Variants in STK39 observed in about 807,000 individuals in gnomAD.
STK39 encodes the protein STE20/SPS1-related proline-alanine-rich protein kinase.
STK39 carries 20 observed loss-of-function variants against 77.8 expected under a neutral mutation model. That is an observed-to-expected ratio of 0.26 (90% CI 0.18 to 0.37). STK39 has a LOEUF of 0.37. Among genes scored for constraint, STK39 ranks in the 10% least tolerant of loss-of-function variants. STK39 has a pLI of 1.00. For missense variants in STK39, 479 were observed against 656.5 expected, an observed-to-expected ratio of 0.73 and a Z score of 2.95; for synonymous variants, 246 against 234.1, an observed-to-expected ratio of 1.05 and a Z score of -0.47.
intron 1 of STK39, among the ~76,000 whole-genome samples, chr2:168,235,405 A>G (rs1181054628): frequency 1.3e-5 from 2 of 151,956 alleles, no homozygotes; most frequent in African/African-American, 4.8e-5. Context: ...ATATAAGTGG[A>G]AGAAAATACT....
chr2:167,979,961 G>A (rs6730946), intron 16 of STK39, among the ~76,000 whole-genome samples: 4,789 of 152,240 alleles, frequency 0.031, 247 homozygotes, highest in East Asian at 0.21. Flanking sequence ...CTACATGTCT[G>A]GATGCCAAGA....
chr2:168,149,669 A>G (rs1454718075), intron 5 of STK39, among the ~76,000 whole-genome samples: 2 of 152,182 alleles, frequency 1.3e-5, no homozygotes, highest in African/African-American at 4.8e-5. Flanking sequence ...AGTCACTGCA[A>G]TCCCCAAAAG....
At chr2:168,189,823 T>C (rs1318501834) in intron 1 of STK39, among the ~76,000 whole-genome samples, 4 of 152,218 alleles carry the variant, frequency 2.6e-5, no homozygotes, top group Non-Finnish European at 5.9e-5. Context: ...TAAAACTCTA[T>C]TGTAGGATTT....
rs139107651 is a variant in STK39, at chr2:167,990,815, T to C, written c.1498+21819A>G. 2.5e-3 allele frequency among the ~76,000 whole-genome samples: 384 copies of C among 152,348 alleles called. 4 individuals carry two copies. Among genetic ancestry groups the C allele is most frequent in the African/African-American group, 8.7e-3 (363 of 41,574 alleles). On this transcript the variant is annotated intron_variant, in intron 16 of 17. Transcript: ENST00000355999. The stretch of plus-strand genomic sequence containing the variant: ...CATTATTCCAGTGCTCTAGGATTCA[T>C]TGGTCAACAAATTCCTGCGTACATG...
chr2:167,972,759 T>C (rs1692384327), intron 16 of STK39, among the ~76,000 whole-genome samples: 1 of 152,164 alleles, frequency 6.6e-6, no homozygotes, highest in East Asian at 1.9e-4. Flanking sequence ...CTGGGACTCC[T>C]TGGGAAAAAC....
intron 2 of STK39, among the ~76,000 whole-genome samples, chr2:168,175,471 A>C (rs1688934921): frequency 6.6e-6 from 1 of 152,218 alleles, no homozygotes; most frequent in Admixed American, 6.5e-5. Flanking sequence ...ATTTCTAACA[A>C]ATGTAGAAAA....
intron 10 of STK39, among the ~76,000 whole-genome samples, chr2:168,112,373 G>A (rs1177335093): frequency 6.6e-6 from 1 of 152,138 alleles, no homozygotes; most frequent in South Asian, 2.1e-4. Flanking sequence ...GAGGGGGCTG[G>A]TTGGGGGTGA....
At chr2:168,076,573 C>T (rs1686083934) in intron 10 of STK39, among the ~76,000 whole-genome samples, 1 of 152,148 alleles carries the variant, frequency 6.6e-6, no homozygotes, top group Admixed American at 6.5e-5. Context: ...CATCTAGAAC[C>T]TGTAAAAGTA....
chr2:168,173,484 G>C (rs1201869113), intron 2 of STK39, among the ~76,000 whole-genome samples: 2 of 152,092 alleles, frequency 1.3e-5, no homozygotes, highest in Non-Finnish European at 2.9e-5. Flanking sequence ...GGTCTTAGAA[G>C]AGCAATGTAT....
At chr2:168,025,641 G>T (rs1684676256) in intron 14 of STK39, among the ~76,000 whole-genome samples, 1 of 152,256 alleles carries the variant, frequency 6.6e-6, no homozygotes, top group Non-Finnish European at 1.5e-5. Flanking sequence ...CTGCTATTCA[G>T]GGAATAGTCC....
At chr2:168,104,096 T>C (rs568916409) in intron 10 of STK39, among the ~76,000 whole-genome samples, 20 of 152,294 alleles carry the variant, frequency 1.3e-4, no homozygotes, top group Admixed American at 7.2e-4. Flanking sequence ...TAAGGTCACG[T>C]GTAAAACTGT....
chr2:168,186,421 G>C (rs1689209547), intron 1 of STK39, among the ~76,000 whole-genome samples: 1 of 152,224 alleles, frequency 6.6e-6, no homozygotes, highest in Non-Finnish European at 1.5e-5. Flanking sequence ...ACCTATGGCA[G>C]AGAATGCCAT....
intron 14 of STK39, among the ~76,000 whole-genome samples, chr2:168,061,632 T>C (rs1685667948): frequency 1.3e-5 from 2 of 152,078 alleles, no homozygotes; most frequent in African/African-American, 4.8e-5. Context: ...AGAGAAAATA[T>C]AACAAAGGCA....
Position 168,135,482 on chromosome 2 carries a change from C to G in STK39, c.974+2606G>C, listed in dbSNP as rs536773409. Among the ~76,000 whole-genome samples the G allele has an allele frequency of 4.7e-4, 71 of 152,208 alleles. 1 individual carries two copies. Among genetic ancestry groups the G allele is most frequent in the Non-Finnish European group, 1.8e-4 (12 of 68,006 alleles). On this transcript the variant is annotated intron_variant, in intron 8 of 17. Coordinates refer to ENST00000355999, the MANE Select transcript of STK39 (RefSeq NM_013233.3). ...GAATCCCACCCACAGGTATGTAACTCTAGGAGGATGTGGCATCTGAACCAA... is the reference window on the plus strand; with the variant it reads ...GAATCCCACCCACAGGTATGTAACTGTAGGAGGATGTGGCATCTGAACCAA...
chr2:168,031,353 T>C (rs1321835129), intron 14 of STK39, among the ~76,000 whole-genome samples: 2 of 152,236 alleles, frequency 1.3e-5, no homozygotes, highest in Non-Finnish European at 2.9e-5. Context: ...AAGCTCAGCC[T>C]TATCTGCTTC....
chr2:168,037,681 C>G (rs1056432846), intron 14 of STK39, among the ~76,000 whole-genome samples: 4 of 152,062 alleles, frequency 2.6e-5, no homozygotes, highest in African/African-American at 9.7e-5. Flanking sequence ...TAAGTGTAAA[C>G]AGCATGGCAC....
intron 10 of STK39, among the ~76,000 whole-genome samples, chr2:168,092,287 T>C (rs954353565): frequency 2.6e-5 from 4 of 152,304 alleles, no homozygotes; most frequent in Admixed American, 1.3e-4. Context: ...GAAGCTCCAC[T>C]GTAAAAATGC....
chr2:168,035,174 G>C (rs866183067), intron 14 of STK39, among the ~76,000 whole-genome samples: 4 of 152,178 alleles, frequency 2.6e-5, no homozygotes, highest in African/African-American at 4.8e-5. Flanking sequence ...TTCTGCCTTT[G>C]AGGGGTTTTA....
chr2:168,089,888 C>A (rs1050846532), intron 10 of STK39, among the ~76,000 whole-genome samples: 1 of 152,144 alleles, frequency 6.6e-6, no homozygotes, highest in East Asian at 1.9e-4. Flanking sequence ...CATGAGCCAC[C>A]GCACCTGGTC....
Sources: gnomAD v4.1 joint callset for allele counts (sites outside exome capture counted in the v4.1 genomes callset) on GRCh38, gnomAD v4.1.1 for gene constraint, MANE v1.5 for transcripts, NCBI Gene and HGNC (gene_info 2026-07-23, HGNC 2026-07-21) for gene names.